The following STAB2 variants were observed in gnomAD, a reference collection of about 807,000 sequenced individuals.
The protein encoded by STAB2 is stabilin-2.
In STAB2, 288 loss-of-function variants were observed where a neutral mutation model predicts 338.1. The ratio of observed to expected loss-of-function variants is 0.85; its 90% CI spans 0.77 to 0.94. The LOEUF (loss-of-function observed/expected upper bound fraction) is 0.94, where lower values mean the gene tolerates loss of function less well. Among genes scored for constraint, STAB2 ranks in the 40% least tolerant of loss-of-function variants. STAB2 has a pLI of 0.00. For missense variants in STAB2, 3,141 were observed against 3,210.1 expected (o/e 0.98, Z 0.52); for synonymous variants, 1,202 against 1,193.3 (o/e 1.01, Z -0.15).
chr12:103,690,449 A>G lies in STAB2; in HGVS notation c.3208A>G (p.Arg1070Gly). 6.2e-7 allele frequency: 1 copy of G among 1,614,056 alleles called. No homozygotes were observed. The highest frequency in any genetic ancestry group is 8.5e-7 in the Non-Finnish European group (1 of 1,179,940). ...GTACCATATGCTACTAGGCACATAC[A>G]GAGTGGCAGATCTGCAGACCCTGTC... The part of the protein sequence containing the change: ...IKYHMLLGTY[R>G]VADLQTLSSS... Residue 1070 changes from arginine (R) to glycine (G), a missense_variant, in exon 30 of 69, where the codon AGA (arginine) becomes GGA (glycine). Coordinates refer to ENST00000388887, the MANE Select transcript of STAB2 (RefSeq NM_017564.10).
chr12:103,623,187 C>G (rs1957329492), intron 5 of STAB2, among the ~76,000 whole-genome samples: 4 of 152,276 alleles, frequency 2.6e-5, no homozygotes, highest in Non-Finnish European at 5.9e-5. Context: ...CCACTGGAGC[C>G]TGATGCCCCA....
intron 42 of STAB2, 74 bp from the exon 43 acceptor site, chr12:103,715,741 C>T (rs752752280): frequency 3.9e-4 from 608 of 1,553,364 alleles, no homozygotes; most frequent in Non-Finnish European, 5.0e-4. Flanking sequence ...GCCATCTTAG[C>T]TCATCCCTCA....
rs145756035 is a variant in STAB2, at chr12:103,733,914, G to A, written c.5460+732G>A. Among the ~76,000 whole-genome samples the A allele has an allele frequency of 3.8e-3, 572 of 149,618 alleles. 1 individual carries two copies. The highest frequency in any genetic ancestry group is 6.9e-3 in the Non-Finnish European group (466 of 67,642). ...TAGGAGCAAGCACAATCACATAGGA[G>A]CAAACATCATAAAGGAGCAAGCATG... On this transcript the variant is annotated intron_variant, in intron 51 of 68. Transcript: ENST00000388887.
chr12:103,725,186 A>G, intron 45 of STAB2, 92 bp downstream of exon 45: 1 of 1,529,094 alleles, frequency 6.5e-7, no homozygotes, highest in Admixed American at 2.0e-5. Context: ...AGCTTGGTGA[A>G]ATGTAAAGCG....
intron 24 of STAB2, 80 bp from the exon 25 acceptor site, chr12:103,677,373 C>A: frequency 6.7e-7 from 1 of 1,490,422 alleles, no homozygotes; most frequent in Non-Finnish European, 9.0e-7. Flanking sequence ...GAACATATGT[C>A]TGGAAATTCT....
At chr12:103,734,528 C>G (rs1159092239) in intron 51 of STAB2, among the ~76,000 whole-genome samples, 1 of 152,058 alleles carries the variant, frequency 6.6e-6, no homozygotes. Context: ...TGGGAGCAAA[C>G]ATGATCATAT....
intron 39 of STAB2, 118 bp from the exon 40 acceptor site, chr12:103,711,353 A>G (rs1473248416): frequency 1.5e-6 from 2 of 1,348,234 alleles, no homozygotes; most frequent in African/African-American, 1.5e-5. Flanking sequence ...ATAGTTTTAT[A>G]TCGCTCACAT....
At chr12:103,706,735 G>A (rs1879378790) in intron 37 of STAB2, 57 bp from the exon 38 acceptor site, 1 of 1,604,184 alleles carries the variant, frequency 6.2e-7, no homozygotes, top group Non-Finnish European at 8.5e-7. Context: ...TCTACACCGA[G>A]GCTGGACAAC....
At chr12:103,637,312 A>T in intron 7 of STAB2, 76 bp downstream of exon 7, 7 of 1,539,094 alleles carry the variant, frequency 4.5e-6, no homozygotes, top group Non-Finnish European at 6.1e-6. Flanking sequence ...AAATCTCACA[A>T]CCTCCTTAAC....
At chr12:103,623,604 A>T (rs1461018315) in intron 5 of STAB2, among the ~76,000 whole-genome samples, 2 of 152,160 alleles carry the variant, frequency 1.3e-5, no homozygotes, top group Non-Finnish European at 2.9e-5. Flanking sequence ...AAAGGCAAGG[A>T]AACATGTTCT....
intron 68 of STAB2, 69 bp from the exon 69 acceptor site, chr12:103,766,217 C>A (rs760057933): frequency 1.0e-5 from 16 of 1,597,100 alleles, no homozygotes; most frequent in African/African-American, 4.0e-5. Flanking sequence ...GACCAGTGGC[C>A]ACCAGAAAGA....
In STAB2 at chr12:103,742,528, C is replaced by A; in HGVS notation, c.6005C>A (p.Pro2002Gln). The change falls in exon 56 of 69, where the codon CCG becomes CAG. Residue 2002 changes from proline (P) to glutamine (Q), a missense_variant. Coordinates refer to ENST00000388887, the MANE Select transcript of STAB2 (RefSeq NM_017564.10). ...FNGTACEMCW[P>Q]GRFGPDCLPC... ...GGGACGGCGTGTGAGATGTGCTGGC[C>A]GGGGAGATTCGGGCCTGATTGTCTG... The A allele has an allele frequency of 1.2e-6, 2 of 1,614,054 alleles. No individual in the cohort carries two copies. The highest frequency in any genetic ancestry group is 3.3e-4 in the Middle Eastern group (2 of 6,062).
At chr12:103,592,137 G>A (rs1348201417) in intron 2 of STAB2, 1 of 152,042 alleles carries the variant, frequency 6.6e-6, no homozygotes, top group Admixed American at 6.5e-5. Context: ...ACTTTTACCT[G>A]TTCCTCCTTT....
In STAB2 at chr12:103,766,492, T is replaced by G; in HGVS notation, c.*156T>G. On this transcript the variant is annotated 3_prime_UTR_variant, in exon 69 of 69. Coordinates refer to ENST00000388887, the MANE Select transcript of STAB2 (RefSeq NM_017564.10). ...CTGATCTGGGGGTTGTTTCTGTGGG[T>G]GAGAGATGTGTTGCTGTGCCCACCC... 4.8e-6 allele frequency: 4 copies of G among 835,996 alleles called. No individual in the cohort carries two copies. The highest frequency in any genetic ancestry group is 7.3e-6 in the Non-Finnish European group (4 of 548,188). 51.8% of individuals were successfully genotyped at this position (835,996 alleles called of 1,614,324 possible).
intron 41 of STAB2, 119 bp downstream of exon 41, chr12:103,712,562 T>G (rs759615561): frequency 2.7e-6 from 2 of 752,110 alleles, no homozygotes; most frequent in Non-Finnish European, 4.7e-6. Flanking sequence ...TGATGGTGAA[T>G]TGTATGTAAT....
intron 3 of STAB2, among the ~76,000 whole-genome samples, chr12:103,600,779 G>A (rs1956942316): frequency 2.3e-5 from 2 of 87,322 alleles, no homozygotes; most frequent in African/African-American, 1.7e-4. Flanking sequence ...AAGCCCCCAG[G>A]AGATAGCATA....
At chr12:103,765,920 T>A in intron 68 of STAB2, 1 of 358,600 alleles carries the variant, frequency 2.8e-6, no homozygotes, top group Non-Finnish European at 5.5e-6. Flanking sequence ...CCGAAAGGAG[T>A]TTTTATAATA....
At position 103,655,453 on chromosome 12, in the gene STAB2, C is replaced by G. The variant is rs1264789532; in HGVS notation, c.1609-3C>G. The G allele has an allele frequency of 6.2e-7, 1 of 1,613,650 alleles. No homozygotes were observed. The highest frequency in any genetic ancestry group is 1.1e-5 in the South Asian group (1 of 90,932). On this transcript the variant is annotated splice_polypyrimidine_tract_variant and splice_region_variant and intron_variant, in intron 14 of 68. Coordinates refer to ENST00000388887, the MANE Select transcript of STAB2 (RefSeq NM_017564.10). ...GATACAAAATTTCATTTCCCAAATG[C>G]AGGAAACCAATTTGGGACATGCCTT... is the stretch of plus-strand genomic sequence containing the variant.
intron 9 of STAB2, 31 bp from the exon 10 acceptor site, chr12:103,648,659 C>T (rs753344943): frequency 6.2e-7 from 1 of 1,607,682 alleles, no homozygotes; most frequent in African/African-American, 1.3e-5. Context: ...GGCTCTAAAA[C>T]CCTGAGGATG....
Sources: allele counts gnomAD v4.1 joint callset (sites outside exome capture counted in the v4.1 genomes callset), GRCh38; gene constraint gnomAD v4.1.1; transcripts MANE v1.5; gene names NCBI Gene and HGNC (gene_info 2026-07-23, HGNC 2026-07-21).